Variants in CDH10 observed in about 807,000 individuals in gnomAD.
CDH10 encodes the protein cadherin 10.
A neutral mutation model predicts 73.1 loss-of-function variants in CDH10; 30 were observed. That is an observed-to-expected ratio of 0.41 (90% CI 0.31 to 0.56). CDH10 has a LOEUF of 0.56. CDH10 is among the 20% of genes least tolerant of loss of function. The pLI is 0.27. For synonymous variants in CDH10, 345 were observed against 348.2 expected, an observed-to-expected ratio of 0.99 and a Z score of 0.10; for missense variants, 815 against 973.7, an observed-to-expected ratio of 0.84 and a Z score of 2.17.
chr5:24,595,310 T>C (rs935605785), intron 1 of CDH10, among the ~76,000 whole-genome samples: 1 of 151,986 alleles, frequency 6.6e-6, no homozygotes, highest in Non-Finnish European at 1.5e-5. Context: ...GCAATCTCTT[T>C]ACTTTTTGTT....
At chr5:24,579,155 A>G (rs927456544) in intron 2 of CDH10, among the ~76,000 whole-genome samples, 1 of 151,922 alleles carries the variant, frequency 6.6e-6, no homozygotes, top group Non-Finnish European at 1.5e-5. Flanking sequence ...AGACACTATG[A>G]TTAAAAGGCA....
intron 5 of CDH10, among the ~76,000 whole-genome samples, chr5:24,533,564 CT>C (rs1233330535): frequency 3.3e-5 from 5 of 151,876 alleles, no homozygotes; most frequent in Non-Finnish European, 5.9e-5. Context: ...TGATAAAATA[CT>C]TTTTTTCTCC....
rs1354369666 is a variant in CDH10 at position 24,611,929 on chromosome 5, G to A, written c.-123-18316C>T. ...AAGAAACTGAGGACCTCAGTCCAAC[G>A]ACCCATAGAAACAGGAACCTGCCAA... On this transcript the variant is annotated intron_variant, in intron 1 of 11. Transcript: ENST00000264463. 4 of 152,242 alleles carry A rather than the reference G, an allele frequency of 2.6e-5. No individual in the cohort carries two copies. The South Asian group carries it at 6.2e-4, about 24-fold the overall frequency. The allele number at this position is 152,242 out of a possible 1,614,324, so 9.4% of individuals were successfully genotyped here. A position where few individuals can be genotyped will look rare whatever the true frequency, so the allele number is the denominator to read the frequency against.
intron 2 of CDH10, among the ~76,000 whole-genome samples, chr5:24,584,181 A>G (rs1044386947): frequency 2.6e-5 from 4 of 152,142 alleles, no homozygotes; most frequent in Non-Finnish European, 5.9e-5. Flanking sequence ...ATCAGGCTAC[A>G]TCAAGTTTCA....
intron 1 of CDH10, among the ~76,000 whole-genome samples, chr5:24,631,560 C>T (rs1747706620): frequency 6.6e-6 from 1 of 151,908 alleles, no homozygotes; most frequent in Non-Finnish European, 1.5e-5. Context: ...TCTTTTAATA[C>T]CCAGTGAAAG....
intron 5 of CDH10, 129 bp downstream of exon 5, chr5:24,534,983 G>T: frequency 1.2e-6 from 1 of 825,704 alleles, no homozygotes; most frequent in South Asian, 2.0e-5. Flanking sequence ...GTTTACTTTT[G>T]TATCACATTT....
At chr5:24,509,946 A>G in intron 6 of CDH10, 127 bp from the exon 7 acceptor site, 1 of 615,596 alleles carries the variant, frequency 1.6e-6, no homozygotes, top group South Asian at 2.6e-5. Context: ...ATAAATAAAA[A>G]AGACTAACAC....
chr5:24,591,235 A>G (rs1035205284), intron 2 of CDH10, among the ~76,000 whole-genome samples: 6 of 152,054 alleles, frequency 3.9e-5, no homozygotes, highest in Non-Finnish European at 8.8e-5. Flanking sequence ...TATAGTATAG[A>G]CAAAAAATGT....
intron 8 of CDH10, among the ~76,000 whole-genome samples, chr5:24,501,953 C>G (rs1236016067): frequency 6.6e-6 from 1 of 151,668 alleles, no homozygotes; most frequent in African/African-American, 2.4e-5. Flanking sequence ...GAATCTCACT[C>G]TGTCGCCCTG....
At chr5:24,565,771 ACACACC>A (rs373192468) in intron 2 of CDH10, among the ~76,000 whole-genome samples, 293 of 151,860 alleles carry the variant, frequency 1.9e-3, no homozygotes, top group Middle Eastern at 6.8e-3. Flanking sequence ...TCACACACAC[ACACACC>A]CACACCCACA....
At chr5:24,546,004 T>C (rs532359394) in intron 2 of CDH10, among the ~76,000 whole-genome samples, 2 of 152,200 alleles carry the variant, frequency 1.3e-5, no homozygotes, top group South Asian at 4.1e-4. Context: ...GGTTGACAAA[T>C]ACCTGACTGG....
intron 5 of CDH10, among the ~76,000 whole-genome samples, chr5:24,527,469 G>A (rs538784177): frequency 6.6e-5 from 10 of 151,320 alleles, no homozygotes; most frequent in Non-Finnish European, 1.0e-4. Context: ...ACAGGGATAC[G>A]TTCTGAGAAA....
intron 1 of CDH10, among the ~76,000 whole-genome samples, chr5:24,632,323 A>G (rs1747728206): frequency 9.1e-6 from 1 of 110,448 alleles, no homozygotes; most frequent in Non-Finnish European, 1.8e-5. Flanking sequence ...ACATTTCTAT[A>G]CTCTTATATA....
chr5:24,537,314 T>C (rs1743991646), intron 3 of CDH10, 66 bp downstream of exon 3: 1 of 1,011,868 alleles, frequency 9.9e-7, no homozygotes. Context: ...ATTATACTAT[T>C]ATAAGAATTT....
chr5:24,619,206 T>C (rs1477712114), intron 1 of CDH10, among the ~76,000 whole-genome samples: 3 of 151,874 alleles, frequency 2.0e-5, no homozygotes, highest in South Asian at 2.1e-4. Flanking sequence ...TTTTTTTTTT[T>C]CTTTTGAGAC....
intron 2 of CDH10, among the ~76,000 whole-genome samples, chr5:24,568,042 G>A (rs1435897847): frequency 2.6e-5 from 4 of 152,220 alleles, no homozygotes; most frequent in East Asian, 3.9e-4. Context: ...TTTATAGAGA[G>A]TAGCAGAGGG....
chr5:24,488,135 G>A lies in CDH10; in HGVS notation c.1895C>T (p.Ala632Val), dbSNP rs776967205. Reference protein sequence around the residue: ...IILLVIVVLFAALKRQRKKEP... With the variant: ...IILLVIVVLFVALKRQRKKEP... ...TTTTTTTCGCTGTCTTTTCAGAGCT[G>A]CAAACAGTACTACTATAACTTGAAA... Residue 632 changes from alanine to valine, a missense_variant, in exon 12 of 12, where the codon GCA becomes GTA. This residue lies in a region of CDH10 where 241 missense variants were observed against 240.3 expected (regional missense o/e 1.00). Coordinates refer to ENST00000264463, the MANE Select transcript of CDH10 (RefSeq NM_006727.5). 1 of 1,610,566 alleles carries A rather than the reference G, an allele frequency of 6.2e-7. No individual in the cohort carries two copies. The highest frequency in any genetic ancestry group is 8.5e-7 in the Non-Finnish European group (1 of 1,178,354).
At chr5:24,591,254 C>G (rs1746191550) in intron 2 of CDH10, among the ~76,000 whole-genome samples, 1 of 151,882 alleles carries the variant, frequency 6.6e-6, no homozygotes, top group African/African-American at 2.4e-5. Context: ...GTTAAAGCAT[C>G]TATTTCACAG....
intron 1 of CDH10, among the ~76,000 whole-genome samples, chr5:24,622,862 TC>T (rs1701091259): frequency 6.6e-6 from 1 of 152,188 alleles, no homozygotes; most frequent in Non-Finnish European, 1.5e-5. Context: ...TTAGTATCAT[TC>T]CGTTTTGTAA....
Sources: gnomAD v4.1 joint callset for allele counts (sites outside exome capture counted in the v4.1 genomes callset) on GRCh38, gnomAD v4.1.1 for gene constraint, gnomAD v4.1.1 regional missense constraint, MANE v1.5 for transcripts, NCBI Gene and HGNC (gene_info 2026-07-23, HGNC 2026-07-21) for gene names.